The following ADCY2 variants were observed in gnomAD, a reference collection of about 807,000 sequenced individuals.
ADCY2 encodes the protein adenylate cyclase 2, also known as adenylate cyclase type 2.
A neutral mutation model predicts 125.2 loss-of-function variants in ADCY2; 31 were observed. That is an observed-to-expected ratio of 0.25 (90% confidence interval 0.19 to 0.33). ADCY2 has a LOEUF of 0.33. Ranked by LOEUF, ADCY2 falls within the 10% of genes least tolerant of loss-of-function variation. The pLI is 1.00. For synonymous variants in ADCY2, 512 were observed against 548.4 expected (o/e 0.93, Z 0.93); for missense variants, 904 against 1,418.2 (o/e 0.64, Z 5.82).
chr5:7,659,764 C>T (rs1031135276), intron 4 of ADCY2, among the ~76,000 whole-genome samples: 1 of 152,174 alleles, frequency 6.6e-6, no homozygotes, highest in South Asian at 2.1e-4. Context: ...TTGGAAAACT[C>T]GACTTTGCAT....
intron 24 of ADCY2, among the ~76,000 whole-genome samples, chr5:7,824,815 C>T (rs146983478): frequency 1.4e-4 from 21 of 152,326 alleles, no homozygotes; most frequent in African/African-American, 5.1e-4. Flanking sequence ...CTGGGCGTCC[C>T]TGGATGCTGT....
At chr5:7,498,323 A>G (rs1743420580) in intron 2 of ADCY2, among the ~76,000 whole-genome samples, 1 of 132,872 alleles carries the variant, frequency 7.5e-6, no homozygotes, top group Non-Finnish European at 1.5e-5. Context: ...ATCTTGGCTC[A>G]CTGCAAACTC....
At chr5:7,656,185 A>C (rs1380343810) in intron 4 of ADCY2, among the ~76,000 whole-genome samples, 1 of 151,226 alleles carries the variant, frequency 6.6e-6, no homozygotes, top group African/African-American at 2.4e-5. Context: ...CTCCCAAGTA[A>C]CTGGGATTAC....
intron 20 of ADCY2, chr5:7,798,970 C>T (rs374279350): frequency 2.6e-5 from 4 of 152,238 alleles, no homozygotes; most frequent in East Asian, 3.9e-4. Context: ...GAGTGTTCGT[C>T]CAAGATGGGG....
chr5:7,631,743 T>G (rs1738316845), intron 4 of ADCY2, among the ~76,000 whole-genome samples: 1 of 152,204 alleles, frequency 6.6e-6, no homozygotes, highest in African/African-American at 2.4e-5. Context: ...GAGGGTTTGA[T>G]GCCAGCCATG....
chr5:7,537,623 G>A (rs1165930263), intron 3 of ADCY2, among the ~76,000 whole-genome samples: 1 of 152,148 alleles, frequency 6.6e-6, no homozygotes, highest in Non-Finnish European at 1.5e-5. Context: ...ACTGCCTGGG[G>A]AGCTGCGGGA....
In ADCY2 at chr5:7,584,250, A is replaced by G. The variant is rs1736542376; in HGVS notation, c.571-41917A>G. On this transcript the variant is annotated intron_variant, in intron 3 of 24. Coordinates refer to ENST00000338316, the MANE Select transcript of ADCY2 (RefSeq NM_020546.3). ...CACAATCCCAAAAACAATGATAGCGAATGTTGAAATCCTGAAGGATCAAAA... is the reference window on the plus strand; with the variant it reads ...CACAATCCCAAAAACAATGATAGCGGATGTTGAAATCCTGAAGGATCAAAA... Among the ~76,000 whole-genome samples, 4 of 152,240 alleles carry G rather than the reference A, an allele frequency of 2.6e-5. No individual in the cohort carries two copies. The South Asian group carries it at 8.3e-4, about 32-fold the overall frequency.
At chr5:7,751,517 C>A (rs1397221391) in intron 15 of ADCY2, among the ~76,000 whole-genome samples, 8 of 152,176 alleles carry the variant, frequency 5.3e-5, no homozygotes, top group Non-Finnish European at 7.3e-5. Context: ...CAAGGATTTT[C>A]TCTGGTTTTG....
chr5:7,560,877 C>A (rs1735687374), intron 3 of ADCY2, among the ~76,000 whole-genome samples: 1 of 152,048 alleles, frequency 6.6e-6, no homozygotes, highest in Admixed American at 6.6e-5. Context: ...TTAGTAGAGA[C>A]AGGTTTTGCC....
intron 2 of ADCY2, among the ~76,000 whole-genome samples, chr5:7,462,312 A>G (rs1161512527): frequency 6.6e-6 from 1 of 152,246 alleles, no homozygotes; most frequent in Non-Finnish European, 1.5e-5. Context: ...TGTTTAAAAA[A>G]TACTGGCAGA....
At chr5:7,730,884 A>C (rs1264749872) in intron 14 of ADCY2, among the ~76,000 whole-genome samples, 1 of 151,848 alleles carries the variant, frequency 6.6e-6, no homozygotes, top group East Asian at 1.9e-4. Context: ...GTTTTCATCA[A>C]CCTAAGTGAC....
At position 7,707,291 on chromosome 5, in the gene ADCY2, C is replaced by T. The variant is rs970848255; in HGVS notation, c.1268+389C>T. Reference sequence around the variant, plus strand: ...CAGCATCCTTCTCTGGGGAGAATAACGTATTTCAGTCAAGAGAATCTTTAT... The same window carrying T: ...CAGCATCCTTCTCTGGGGAGAATAATGTATTTCAGTCAAGAGAATCTTTAT... On this transcript the variant is annotated intron_variant, in intron 8 of 24. Coordinates refer to ENST00000338316, the MANE Select transcript of ADCY2 (RefSeq NM_020546.3). 3.3e-5 allele frequency among the ~76,000 whole-genome samples: 5 copies of T among 152,256 alleles called. No individual in the cohort carries two copies. The East Asian group carries it at 5.8e-4, about 18-fold the overall frequency.
At chr5:7,510,477 G>T (rs769111448) in intron 2 of ADCY2, among the ~76,000 whole-genome samples, 6 of 152,194 alleles carry the variant, frequency 3.9e-5, no homozygotes, top group Non-Finnish European at 8.8e-5. Context: ...TACCATAGAG[G>T]CTGATTCAGT....
chr5:7,603,262 G>T (rs961489085), intron 3 of ADCY2, among the ~76,000 whole-genome samples: 12 of 152,124 alleles, frequency 7.9e-5, no homozygotes, highest in Non-Finnish European at 1.5e-4. Context: ...GTCTGTAGTG[G>T]GAGGTAGCCA....
chr5:7,794,307 G>T (rs1158732035), intron 20 of ADCY2: 1 of 152,190 alleles, frequency 6.6e-6, no homozygotes, highest in Non-Finnish European at 1.5e-5. Flanking sequence ...TACTCTAGCA[G>T]CCATTGTAAG....
intron 4 of ADCY2, among the ~76,000 whole-genome samples, chr5:7,657,272 GA>G (rs925527878): frequency 3.3e-5 from 5 of 152,204 alleles, no homozygotes; most frequent in Non-Finnish European, 2.9e-5. Flanking sequence ...CTGGAGGGCT[GA>G]GGAGGCAGGG....
At chr5:7,689,801 A>C (rs1371695981) in intron 4 of ADCY2, among the ~76,000 whole-genome samples, 1 of 152,212 alleles carries the variant, frequency 6.6e-6, no homozygotes, top group Non-Finnish European at 1.5e-5. Context: ...TTTGTTTATC[A>C]ACATTGAATA....
chr5:7,749,701 C>T (rs1742741965), intron 15 of ADCY2: 1 of 152,144 alleles, frequency 6.6e-6, no homozygotes, highest in African/African-American at 2.4e-5. Flanking sequence ...ATGAAAATGC[C>T]AGAAAATATC....
intron 2 of ADCY2, among the ~76,000 whole-genome samples, chr5:7,433,197 C>T (rs1260738227): frequency 6.6e-6 from 1 of 152,160 alleles, no homozygotes; most frequent in Non-Finnish European, 1.5e-5. Context: ...GGCCTTCCCT[C>T]TTTTTTGCCT....
Sources: allele counts gnomAD v4.1 joint callset (sites outside exome capture counted in the v4.1 genomes callset), GRCh38; gene constraint gnomAD v4.1.1; transcripts MANE v1.5; gene names NCBI Gene and HGNC (gene_info 2026-07-23, HGNC 2026-07-21).